The following HSD11B1L variants were observed in gnomAD, a reference collection of about 807,000 sequenced individuals.
The protein encoded by HSD11B1L is hydroxysteroid 11-beta-dehydrogenase 1-like protein.
A neutral mutation model predicts 27.0 loss-of-function variants in HSD11B1L; 22 were observed. That is an observed-to-expected ratio of 0.81 (90% CI 0.58 to 1.16). The LOEUF is 1.16. Ranked by LOEUF, HSD11B1L falls within the 50% of genes most tolerant of loss-of-function variation. The pLI, the probability that HSD11B1L is intolerant of heterozygous loss-of-function variation, is 0.00. For synonymous variants in HSD11B1L, 187 were observed against 189.2 expected (o/e 0.99, Z 0.09); for missense variants, 372 against 401.8 (o/e 0.93, Z 0.63).
rs967546045 is a variant in HSD11B1L, at chr19:5,687,956, G to A, written c.*11G>A. 1.3e-6 allele frequency: 2 copies of A among 1,558,306 alleles called. No homozygotes were observed. Among genetic ancestry groups the A allele is most frequent in the South Asian group, 2.3e-5 (2 of 85,186 alleles). ...GCCGCGGCAGCCTGAGCACCGGGGG[G>A]TGCCCCTCCAGTCCCAGACGGCAAT... On this transcript the variant is annotated 3_prime_UTR_variant, in exon 8 of 8. Transcript: ENST00000339423. The surrounding 1 kb of genome is among the most constrained non-coding windows in gnomAD (Gnocchi z 6.6).
rs971803111 is a variant in HSD11B1L at position 5,688,008 on chromosome 19, C to T, written c.*63C>T. On this transcript the variant is annotated 3_prime_UTR_variant, in exon 8 of 8. Transcript: ENST00000339423. ...TTCCTCCCTCCAACTGTCCCTGGAG[C>T]CAGAACACTCACAGAGACACCCCTG... 10 of 1,551,430 alleles carry T rather than the reference C, an allele frequency of 6.4e-6. No homozygotes were observed. The highest frequency in any genetic ancestry group is 7.8e-6 in the Non-Finnish European group (9 of 1,147,048).
intron 1 of HSD11B1L, among the ~76,000 whole-genome samples, chr19:5,682,397 G>A (rs1219788711): frequency 6.6e-6 from 1 of 152,162 alleles, no homozygotes; most frequent in Non-Finnish European, 1.5e-5. Context: ...GGTCTAGGAG[G>A]GAGGTGACAA....
Position 5,685,800 on chromosome 19 carries a change from A to C in HSD11B1L, c.205-616A>C, listed in dbSNP as rs1161496748. Among the ~76,000 whole-genome samples the C allele has an allele frequency of 2.6e-5, 4 of 152,004 alleles. No homozygotes were observed. Among genetic ancestry groups the C allele is most frequent in the Admixed American group, 6.6e-5 (1 of 15,254 alleles). On this transcript the variant is annotated intron_variant, in intron 3 of 7. Coordinates refer to ENST00000339423, the MANE Select transcript of HSD11B1L (RefSeq NM_198706.3). This position sits in a 1 kb window ranked among gnomAD's most constrained non-coding sequence, Gnocchi z 4.3. ...GAGCATGTAGTCCCAGCTACATGGG[A>C]GGCTGAGTCAGGAGAATCACTTGAA... is the stretch of plus-strand genomic sequence containing the variant.
chr19:5,687,213 T>A lies in HSD11B1L; in HGVS notation c.409-69T>A. On this transcript the variant is annotated intron_variant, in intron 5 of 7. Coordinates refer to ENST00000339423, the MANE Select transcript of HSD11B1L (RefSeq NM_198706.3). The surrounding 1 kb of genome is among the most constrained non-coding windows in gnomAD (Gnocchi z 6.6). Reference sequence around the variant, plus strand: ...CTCTGACCCGGCCCTGGCCCCGCCCTCTGGGTTTCTGGCCCCGCCCTGCCC... The same window carrying A: ...CTCTGACCCGGCCCTGGCCCCGCCCACTGGGTTTCTGGCCCCGCCCTGCCC... The A allele has an allele frequency of 6.6e-7, 1 of 1,523,584 alleles. No individual in the cohort carries two copies. The highest frequency in any genetic ancestry group is 8.9e-7 in the Non-Finnish European group (1 of 1,121,658). The allele number at this position is 1,523,584 out of a possible 1,614,324, so 94.4% of individuals were successfully genotyped here. A position where few individuals can be genotyped will look rare whatever the true frequency, so the allele number is the denominator to read the frequency against.
intron 1 of HSD11B1L, chr19:5,684,224 C>T (rs2054628854): frequency 2.9e-6 from 1 of 346,800 alleles, no homozygotes; most frequent in Non-Finnish European, 5.2e-6. Context: ...CCATGTTGGC[C>T]AGGCTGGTCT....
chr19:5,681,652 A>G (rs1599413116), intron 1 of HSD11B1L, among the ~76,000 whole-genome samples: 3 of 151,158 alleles, frequency 2.0e-5, no homozygotes, highest in African/African-American at 7.3e-5. Context: ...CCATCCATCC[A>G]TGCATCCGTC....
chr19:5,685,033 G>A lies in HSD11B1L; in HGVS notation c.118G>A (p.Gly40Ser). 1 of 1,575,672 alleles carries A rather than the reference G, an allele frequency of 6.3e-7. No individual in the cohort carries two copies. Among genetic ancestry groups the A allele is most frequent in the Non-Finnish European group, 8.6e-7 (1 of 1,160,406 alleles). The change falls in exon 3 of 8, where the codon GGT becomes AGT. Residue 40 changes from glycine to serine, a missense_variant. Transcript: ENST00000339423. This position sits in a 1 kb window ranked among gnomAD's most constrained non-coding sequence, Gnocchi z 4.3. ...ARVLLTGANA[G>S]VGEELAYHYA... Reference sequence around the variant, plus strand: ...AGTGCTGCTGACAGGGGCCAACGCTGGTGTTGGTGAGGAGCTGGCCTATCA... The same window carrying A: ...AGTGCTGCTGACAGGGGCCAACGCTAGTGTTGGTGAGGAGCTGGCCTATCA...
chr19:5,684,151 G>A, intron 1 of HSD11B1L: 1 of 405,100 alleles, frequency 2.5e-6, no homozygotes, highest in Non-Finnish European at 4.4e-6. Flanking sequence ...GAGTAGCTGG[G>A]ATTACAGGCG....
intron 4 of HSD11B1L, 30 bp downstream of exon 4, chr19:5,686,557 C>A (rs753112042): frequency 6.6e-7 from 1 of 1,524,094 alleles, no homozygotes; most frequent in Non-Finnish European, 8.9e-7. Context: ...GCCTGGAGTC[C>A]GGGACCGTGG....
In HSD11B1L at chr19:5,686,468, C is replaced by A; in HGVS notation, c.257C>A (p.Ala86Glu). ...LGAPKVFYIA[A>E]DMASPEAPES... ...GCCCCCAAGGTCTTCTACATCGCGGCGGACATGGCCTCCCCTGAGGCGCCC... is the reference window on the plus strand; with the variant it reads ...GCCCCCAAGGTCTTCTACATCGCGGAGGACATGGCCTCCCCTGAGGCGCCC... Residue 86 changes from alanine to glutamate, a missense_variant, in exon 4 of 8, where the codon GCG becomes GAG. Ala to Glu is a moderately radical substitution (Grantham distance 107). Transcript: ENST00000339423. The A allele has an allele frequency of 3.8e-6, 6 of 1,588,446 alleles. No individual in the cohort carries two copies. Among genetic ancestry groups the A allele is most frequent in the Non-Finnish European group, 5.1e-6 (6 of 1,169,366 alleles).
chr19:5,686,354 G>A (rs563460568), intron 3 of HSD11B1L, 62 bp from the exon 4 acceptor site: 17 of 1,142,992 alleles, frequency 1.5e-5, no homozygotes, highest in Middle Eastern at 2.8e-4. Flanking sequence ...GCCAGCAGGT[G>A]CGGTGGAGGG....
At position 5,685,068 on chromosome 19, in the gene HSD11B1L, T is replaced by C; in HGVS notation, c.153T>C (p.Arg51=). The change falls in exon 3 of 8, where the codon CGT becomes CGC. Residue 51 remains arginine (R), a synonymous_variant. Coordinates refer to ENST00000339423, the MANE Select transcript of HSD11B1L (RefSeq NM_198706.3). This position sits in a 1 kb window ranked among gnomAD's most constrained non-coding sequence, Gnocchi z 4.3. ...VGEELAYHYA[R]LGSHLVLTAH... is the part of the protein sequence containing the mutation. ...AGGAGCTGGCCTATCACTACGCGCG[T>C]CTGGGCTCCCACCTGGTGCTCACTG... 1.3e-6 allele frequency: 2 copies of C among 1,554,442 alleles called. No homozygotes were observed. The highest frequency in any genetic ancestry group is 1.7e-6 in the Non-Finnish European group (2 of 1,149,060).
intron 1 of HSD11B1L, chr19:5,684,214 C>T (rs1005816101): frequency 2.8e-5 from 10 of 352,016 alleles, no homozygotes; most frequent in African/African-American, 2.1e-4. Flanking sequence ...TGGGGTTTCA[C>T]CATGTTGGCC....
intron 1 of HSD11B1L, among the ~76,000 whole-genome samples, chr19:5,683,200 C>G (rs2054602168): frequency 7.2e-6 from 1 of 138,164 alleles, no homozygotes; most frequent in Non-Finnish European, 1.5e-5. Context: ...AAGAGTGAAA[C>G]TCAGTCTCAA....
Position 5,687,564 on chromosome 19 carries a change from C to T in HSD11B1L, c.564C>T (p.Phe188=). 6.2e-7 allele frequency: 1 copy of T among 1,600,036 alleles called. No homozygotes were observed. Among genetic ancestry groups the T allele is most frequent in the Non-Finnish European group, 8.5e-7 (1 of 1,179,502 alleles). ...CGGCCAAGTTTGCGCTGGACGGCTT[C>T]TTCGGCTCCCTGCGGCGGGAGCTGG... is the stretch of plus-strand genomic sequence containing the variant. The part of the protein sequence containing the change: ...YSAAKFALDG[F]FGSLRRELDV... Residue 188 remains phenylalanine (F), a synonymous_variant, in exon 7 of 8, where the codon TTC becomes TTT. Coordinates refer to ENST00000339423, the MANE Select transcript of HSD11B1L (RefSeq NM_198706.3). This position sits in a 1 kb window ranked among gnomAD's most constrained non-coding sequence, Gnocchi z 6.6.
chr19:5,687,015 G>C lies in HSD11B1L; in HGVS notation c.408+24G>C. The C allele has an allele frequency of 1.3e-6, 2 of 1,525,964 alleles. No homozygotes were observed. The highest frequency in any genetic ancestry group is 1.8e-6 in the Non-Finnish European group (2 of 1,133,050). 94.5% of individuals were successfully genotyped at this position (1,525,964 alleles called of 1,614,324 possible). On this transcript the variant is annotated intron_variant, in intron 5 of 7. Coordinates refer to ENST00000339423, the MANE Select transcript of HSD11B1L (RefSeq NM_198706.3). The surrounding 1 kb of genome is among the most constrained non-coding windows in gnomAD (Gnocchi z 6.6). ...AGGTGCTCCGCTCCTCCGCGGCCCC[G>C]GCCCGCCCCTCTATCTCAGGGACCG...
chr19:5,682,981 G>A (rs1004805973), intron 1 of HSD11B1L, among the ~76,000 whole-genome samples: 2 of 151,950 alleles, frequency 1.3e-5, no homozygotes, highest in African/African-American at 2.4e-5. Context: ...TTAGTTGGGC[G>A]TGCTGGTGCA....
chr19:5,686,809 C>A, intron 4 of HSD11B1L, 91 bp from the exon 5 acceptor site: 1 of 1,122,020 alleles, frequency 8.9e-7, no homozygotes, highest in Non-Finnish European at 1.3e-6. Context: ...GCTCGCTGGA[C>A]CAGCGCTCTG....
At position 5,687,673 on chromosome 19, in the gene HSD11B1L, G is replaced by A. The variant is rs752300959; in HGVS notation, c.668+5G>A. 6.4e-7 allele frequency: 1 copy of A among 1,574,522 alleles called. No homozygotes were observed. The highest frequency in any genetic ancestry group is 8.6e-7 in the Non-Finnish European group (1 of 1,165,620). On this transcript the variant is annotated splice_donor_5th_base_variant and intron_variant, in intron 7 of 7. Coordinates refer to ENST00000339423, the MANE Select transcript of HSD11B1L (RefSeq NM_198706.3). The surrounding 1 kb of genome is among the most constrained non-coding windows in gnomAD (Gnocchi z 6.6). The stretch of plus-strand genomic sequence containing the variant: ...CTCCGCCGCCGAGGCAGTCAGGTGA[G>A]GCCCGGACAAGCTGGGGGCTGGGCT...
Sources: allele counts gnomAD v4.1 joint callset (sites outside exome capture counted in the v4.1 genomes callset), GRCh38; gene constraint gnomAD v4.1.1; non-coding constraint Gnocchi (gnomAD v3.1); transcripts MANE v1.5; gene names NCBI Gene and HGNC (gene_info 2026-07-23, HGNC 2026-07-21).